The following DAB1 variants were observed in gnomAD, a reference collection of about 807,000 sequenced individuals.
DAB1 encodes disabled homolog 1.
A neutral mutation model predicts 64.6 loss-of-function variants in DAB1; 15 were observed. That is an observed-to-expected ratio of 0.23 (90% confidence interval 0.16 to 0.36). The LOEUF is 0.36. DAB1 is among the 10% of genes least tolerant of loss of function. The probability of loss-of-function intolerance (pLI) is 1.00; values close to 1 mark genes in which losing one functional copy is unlikely to be tolerated. For missense variants in DAB1, 596 were observed against 706.7 expected, an observed-to-expected ratio of 0.84 and a Z score of 1.78; for synonymous variants, 235 against 251.9, an observed-to-expected ratio of 0.93 and a Z score of 0.64.
intron 5 of DAB1, among the ~76,000 whole-genome samples, chr1:57,918,977 T>A (rs1485257592): frequency 6.7e-6 from 1 of 149,722 alleles, no homozygotes; most frequent in Non-Finnish European, 1.5e-5. Context: ...AATCATAGCA[T>A]TTACCAAAAA....
intron 7 of DAB1, among the ~76,000 whole-genome samples, chr1:57,562,525 T>A (rs1645064860): frequency 6.6e-6 from 1 of 152,206 alleles, no homozygotes; most frequent in African/African-American, 2.4e-5. Flanking sequence ...CAATGCCAAC[T>A]AGGTGACAAT....
rs903307552 is a variant in DAB1 at position 57,227,464 on chromosome 1, T to C, written c.67+63500A>G. Among the ~76,000 whole-genome samples the C allele has an allele frequency of 2.6e-5, 4 of 151,484 alleles. No individual in the cohort carries two copies. In the South Asian group the frequency reaches 8.3e-4, roughly 32 times the overall value. On this transcript the variant is annotated intron_variant, in intron 2 of 14. Coordinates refer to ENST00000371236, the MANE Select transcript of DAB1 (RefSeq NM_001365792.1). ...AGAGTAATAAAGCTGGGTAAATAGA[T>C]AAGGAGCAACAGAGAATGACTAGGG... is the stretch of plus-strand genomic sequence containing the variant.
chr1:57,672,896 G>A (rs1331749101), intron 6 of DAB1, among the ~76,000 whole-genome samples: 2 of 152,166 alleles, frequency 1.3e-5, no homozygotes, highest in African/African-American at 4.8e-5. Context: ...AGTTGGCAAA[G>A]ATGTGAAGAC....
intron 4 of DAB1, among the ~76,000 whole-genome samples, chr1:58,255,596 G>C (rs1465851153): frequency 6.6e-6 from 1 of 152,254 alleles, no homozygotes; most frequent in Non-Finnish European, 1.5e-5. Flanking sequence ...AAAATAAAAT[G>C]TTCAGCTTGT....
chr1:57,693,806 T>A (rs2101717493), intron 6 of DAB1, among the ~76,000 whole-genome samples: 2 of 152,250 alleles, frequency 1.3e-5, no homozygotes, highest in Middle Eastern at 6.8e-3. Context: ...AAACACCATC[T>A]TTAAGAGCTA....
chr1:57,272,135 A>G (rs1167102657), intron 2 of DAB1, among the ~76,000 whole-genome samples: 1 of 152,128 alleles, frequency 6.6e-6, no homozygotes, highest in Non-Finnish European at 1.5e-5. Context: ...CCAAGCCCTC[A>G]GGAGAGCCAG....
intron 6 of DAB1, among the ~76,000 whole-genome samples, chr1:57,738,953 G>T (rs1008308948): frequency 9.2e-5 from 14 of 152,204 alleles, no homozygotes; most frequent in African/African-American, 2.9e-4. Flanking sequence ...AAATGGTAAA[G>T]TGCACAGGTA....
rs1491339883 is a variant in DAB1 at position 57,367,109 on chromosome 1, A to AAAATAAAATAAAATAAAATAAAAT, written c.-137+56820_-137+56821insATTTTATTTTATTTTATTTTATTT. On this transcript the variant is annotated intron_variant, in intron 1 of 14. Transcript: ENST00000371236. ...AAAATAAAATAAAATAAAATAAAAT[A>AAAATAAAATAAAATAAAATAAAAT]AAATAAAATAAATAAATTAGCCAGG... 2.0e-3 allele frequency among the ~76,000 whole-genome samples: 265 copies of AAAATAAAATAAAATAAAATAAAAT among 131,732 alleles called. 3 individuals are homozygous for AAAATAAAATAAAATAAAATAAAAT. The highest frequency in any genetic ancestry group is 7.6e-3 in the African/African-American group (245 of 32,280). The allele number at this position is 131,732 out of a possible 152,430, so 86.4% of individuals were successfully genotyped here. A position where few individuals can be genotyped will look rare whatever the true frequency, so the allele number is the denominator to read the frequency against.
intron 3 of DAB1, among the ~76,000 whole-genome samples, chr1:58,492,819 C>A (rs1367005787): frequency 6.6e-6 from 1 of 152,156 alleles, no homozygotes; most frequent in Non-Finnish European, 1.5e-5. Flanking sequence ...GGATTCACAG[C>A]CGAATTCTAC....
At chr1:58,400,452 T>A (rs1644559169) in intron 3 of DAB1, among the ~76,000 whole-genome samples, 1 of 152,144 alleles carries the variant, frequency 6.6e-6, no homozygotes, top group Admixed American at 6.5e-5. Context: ...AGAGGAATAA[T>A]CAGGTCTTGG....
At chr1:57,117,499 T>C (rs574589820) in intron 4 of DAB1, among the ~76,000 whole-genome samples, 6 of 152,354 alleles carry the variant, frequency 3.9e-5, no homozygotes, top group East Asian at 1.9e-4. Context: ...CTTCTATTTT[T>C]ATTTTCAAAT....
chr1:57,408,438 T>C (rs1318566942), intron 1 of DAB1, among the ~76,000 whole-genome samples: 10 of 152,170 alleles, frequency 6.6e-5, no homozygotes, highest in Admixed American at 6.5e-4. Context: ...TCAATAAAGA[T>C]TCTCAGTAGC....
intron 5 of DAB1, among the ~76,000 whole-genome samples, chr1:57,889,525 T>C (rs916273879): frequency 1.3e-5 from 2 of 152,226 alleles, no homozygotes; most frequent in African/African-American, 2.4e-5. Flanking sequence ...ACATATTTTT[T>C]ATGAACAAGA....
At chr1:57,663,121 A>C (rs1283023413) in intron 6 of DAB1, among the ~76,000 whole-genome samples, 2 of 152,200 alleles carry the variant, frequency 1.3e-5, no homozygotes, top group Non-Finnish European at 2.9e-5. Flanking sequence ...GAAGCTTCAG[A>C]AAACTTGCAA....
rs956381402 is a variant in DAB1 at position 58,194,994 on chromosome 1, G to A, written n.310-44406C>T. Among the ~76,000 whole-genome samples the A allele has an allele frequency of 5.3e-5, 8 of 152,136 alleles. No homozygotes were observed. The East Asian group carries it at 9.6e-4, about 18-fold the overall frequency. On this transcript the variant is annotated intron_variant and non_coding_transcript_variant, in intron 4 of 20. Coordinates refer to the DAB1 transcript ENST00000485760. Reference sequence around the variant, plus strand: ...TTGTCTTTCCTTCAACTATTGAATAGCCTAACTCTAAGACATCAGGAAGAA... The same window carrying A: ...TTGTCTTTCCTTCAACTATTGAATAACCTAACTCTAAGACATCAGGAAGAA...
chr1:58,056,766 G>A (rs1648137327), intron 5 of DAB1, among the ~76,000 whole-genome samples: 1 of 152,046 alleles, frequency 6.6e-6, no homozygotes, highest in African/African-American at 2.4e-5. Flanking sequence ...AAGAGACCAA[G>A]TTAGTGTATT....
At chr1:57,807,042 A>C (rs1306974796) in intron 6 of DAB1, among the ~76,000 whole-genome samples, 1 of 152,114 alleles carries the variant, frequency 6.6e-6, no homozygotes, top group Non-Finnish European at 1.5e-5. Flanking sequence ...GCTCTCCCCG[A>C]CTGGCATGAT....
intron 5 of DAB1, among the ~76,000 whole-genome samples, chr1:57,910,633 A>G (rs1202803): frequency 0.64 from 96,957 of 152,116 alleles, 31,244 homozygotes; most frequent in African/African-American, 0.73. Flanking sequence ...GCCTGGAATC[A>G]CAAGGCTGTC....
intron 7 of DAB1, among the ~76,000 whole-genome samples, chr1:57,559,398 A>T (rs1051764030): frequency 1.3e-5 from 2 of 152,228 alleles, no homozygotes; most frequent in African/African-American, 4.8e-5. Context: ...GGACCCCACT[A>T]TGCTACTGAC....
Sources: gnomAD v4.1 joint callset for allele counts (sites outside exome capture counted in the v4.1 genomes callset) on GRCh38, gnomAD v4.1.1 for gene constraint, MANE v1.5 for transcripts, NCBI Gene and HGNC (gene_info 2026-07-23, HGNC 2026-07-21) for gene names.